MEGF6: variants seen among roughly 807,000 people sequenced by gnomAD.
The protein encoded by MEGF6 is multiple epidermal growth factor-like domains protein 6.
Under a neutral mutation model 207.1 loss-of-function variants are expected in MEGF6, and 184 were observed. That is an observed-to-expected ratio of 0.89 (90% CI 0.79 to 1.00). The LOEUF (loss-of-function observed/expected upper bound fraction) is 1.00. Ranked by LOEUF, MEGF6 falls within the 50% of genes least tolerant of loss-of-function variation. The pLI is 0.00. For missense variants in MEGF6, 2,282 were observed against 2,202.9 expected (o/e 1.04, Z -0.72); for synonymous variants, 1,038 against 910.0 (o/e 1.14, Z -2.53).
In MEGF6 at chr1:3,509,452, C is replaced by T. The variant is rs1271236737; in HGVS notation, c.1358-207G>A. On this transcript the variant is annotated intron_variant, in intron 11 of 36. Coordinates refer to ENST00000356575, the MANE Select transcript of MEGF6 (RefSeq NM_001409.4). ...TTCTCAGGAAAGAGAAGGCTCTGGG[C>T]CCTGAGGACCTGAACCCGGCCCCTC... Among the ~76,000 whole-genome samples, 3 of 152,170 alleles carry T rather than the reference C, an allele frequency of 2.0e-5. No individual in the cohort carries two copies. The East Asian group carries it at 5.8e-4, about 29-fold the overall frequency.
In MEGF6 at chr1:3,524,199, C is replaced by CG. The variant is rs779086699; in HGVS notation, c.528dup (p.Val177ArgfsTer10). On this transcript the variant is annotated frameshift_variant, in exon 5 of 37. Coordinates refer to ENST00000356575, the MANE Select transcript of MEGF6 (RefSeq NM_001409.4). LOFTEE classifies it high-confidence loss of function. ...CAGAGGTAGGAGCCTGGGGTGTTCA[C>CG]GCACCGGTGCTGGCAGCCACCGTTG... 1 of 1,612,866 alleles carries CG rather than the reference C, an allele frequency of 6.2e-7. No individual in the cohort carries two copies.
chr1:3,557,571 C>T (rs962851735), intron 4 of MEGF6, among the ~76,000 whole-genome samples: 2 of 152,234 alleles, frequency 1.3e-5, no homozygotes, highest in African/African-American at 4.8e-5. Flanking sequence ...CCAGAACATT[C>T]CAACCCCAAT....
intron 3 of MEGF6, among the ~76,000 whole-genome samples, chr1:3,584,902 C>T (rs183362289): frequency 1.3e-5 from 2 of 152,266 alleles, no homozygotes; most frequent in Non-Finnish European, 1.5e-5. Context: ...GACTCTAAGG[C>T]GTCACGGGGC....
intron 6 of MEGF6, 37 bp from the exon 7 acceptor site, chr1:3,514,709 G>A (rs1250466231): frequency 6.5e-7 from 1 of 1,532,730 alleles, no homozygotes; most frequent in African/African-American, 1.4e-5. Context: ...TTGGGGAGAG[G>A]GGACCCCAGT....
intron 4 of MEGF6, among the ~76,000 whole-genome samples, chr1:3,526,008 C>T (rs1570054378): frequency 1.3e-5 from 2 of 152,310 alleles, no homozygotes; most frequent in South Asian, 4.1e-4. Flanking sequence ...AGCTGCTGGG[C>T]CCCTGCCAGC....
intron 3 of MEGF6, among the ~76,000 whole-genome samples, chr1:3,582,460 C>T (rs1039830854): frequency 5.3e-5 from 8 of 152,178 alleles, no homozygotes; most frequent in African/African-American, 1.4e-4. Context: ...ACCTCGTCTC[C>T]TCCATGACAC....
Position 3,566,317 on chromosome 1 carries a change from AG to A in MEGF6, c.481+13507del, listed in dbSNP as rs756269662. Reference sequence around the variant, plus strand: ...GAGCCTCATTCATTACTCCATGGGAAGGGGGGCATGGGTATCGCCCCAGGAA... The same window carrying A: ...GAGCCTCATTCATTACTCCATGGGAAGGGGGCATGGGTATCGCCCCAGGAA... On this transcript the variant is annotated intron_variant, in intron 4 of 36. Coordinates refer to ENST00000356575, the MANE Select transcript of MEGF6 (RefSeq NM_001409.4). Among the ~76,000 whole-genome samples the A allele has an allele frequency of 2.0e-4, 30 of 152,326 alleles. No homozygotes were observed. In the East Asian group the frequency reaches 2.9e-3, roughly 15 times the overall value.
At chr1:3,564,258 T>G (rs1643285176) in intron 4 of MEGF6, among the ~76,000 whole-genome samples, 1 of 151,954 alleles carries the variant, frequency 6.6e-6, no homozygotes, top group Non-Finnish European at 1.5e-5. Context: ...TGCAGGTGTC[T>G]TGACTGTATC....
At chr1:3,491,397 A>G (rs1013585931) in intron 35 of MEGF6, among the ~76,000 whole-genome samples, 4 of 152,152 alleles carry the variant, frequency 2.6e-5, no homozygotes, top group Non-Finnish European at 4.4e-5. Context: ...GATGACCACT[A>G]GATGCCGCTG....
At chr1:3,613,909 T>C (rs1415310233), upstream of MEGF6, among the ~76,000 whole-genome samples, 1 of 151,692 alleles carries the variant, frequency 6.6e-6, no homozygotes, top group Non-Finnish European at 1.5e-5. Flanking sequence ...GCACTGCTGC[T>C]GTGCTCTCCT....
At chr1:3,527,043 G>A (rs988297018) in intron 4 of MEGF6, among the ~76,000 whole-genome samples, 3 of 152,174 alleles carry the variant, frequency 2.0e-5, no homozygotes, top group Admixed American at 6.5e-5. Flanking sequence ...TCGCTTCCAG[G>A]GGCTGCATAG....
rs200457336 is a variant in MEGF6, at chr1:3,498,359, C to G, written c.3352+12G>C. The stretch of plus-strand genomic sequence containing the variant: ...GGGCCTGCAGACCCCCCTGCTGCCC[C>G]GCCCCACTCACGGCTCTGACACTTG... On this transcript the variant is annotated intron_variant, in intron 26 of 36. Coordinates refer to ENST00000356575, the MANE Select transcript of MEGF6 (RefSeq NM_001409.4). The G allele has an allele frequency of 1.5e-3, 2,354 of 1,598,022 alleles. 9 individuals carry two copies. Among genetic ancestry groups the G allele is most frequent in the Middle Eastern group, 9.2e-3 (51 of 5,534 alleles).
intron 35 of MEGF6, among the ~76,000 whole-genome samples, 157 bp downstream of exon 35, chr1:3,492,482 T>TACCG (rs1640413074): frequency 6.6e-6 from 1 of 152,116 alleles, no homozygotes; most frequent in South Asian, 2.1e-4. Context: ...ACACTCTGGG[T>TACCG]ACCGGGTGGG....
At chr1:3,570,306 C>T (rs1350789017) in intron 4 of MEGF6, among the ~76,000 whole-genome samples, 1 of 152,242 alleles carries the variant, frequency 6.6e-6, no homozygotes, top group Non-Finnish European at 1.5e-5. Flanking sequence ...ACCTGCCCTG[C>T]CCGCTCAACC....
chr1:3,512,781 T>C (rs1162586759), intron 7 of MEGF6, among the ~76,000 whole-genome samples: 1 of 152,212 alleles, frequency 6.6e-6, no homozygotes, highest in Non-Finnish European at 1.5e-5. Flanking sequence ...TGCCCAGTCT[T>C]GGGTATGTCT....
chr1:3,525,416 C>T (rs1570052705), intron 4 of MEGF6, among the ~76,000 whole-genome samples: 2 of 152,252 alleles, frequency 1.3e-5, no homozygotes, highest in Admixed American at 1.3e-4. Flanking sequence ...TGGACTTCCA[C>T]AGCCTGGGGA....
rs564795506 is a variant in MEGF6, at chr1:3,498,819, A to C, written c.3102T>G (p.Pro1034=). The change falls in exon 25 of 37, where the codon CCT becomes CCG. Residue 1034 remains proline, a synonymous_variant. Transcript: ENST00000356575. The stretch of plus-strand genomic sequence containing the variant: ...GACAGTTGTCGCCGTACAGGCCGGC[A>C]GGGCAGGCTGGGGCCAGGGAAGAGG... ...WMGPSCLQAC[P]AGLYGDNCRH... The C allele has an allele frequency of 1.8e-5, 28 of 1,552,580 alleles. No individual in the cohort carries two copies. The highest frequency in any genetic ancestry group is 9.7e-5 in the East Asian group (4 of 41,228).
At chr1:3,622,259 T>G in the MEGF6 span, among the ~76,000 whole-genome samples, 1 of 152,056 alleles carries the variant, frequency 6.6e-6, no homozygotes, top group African/African-American at 2.4e-5. Flanking sequence ...TGGGGGCGAT[T>G]TCCCCCGTGC....
intron 3 of MEGF6, among the ~76,000 whole-genome samples, chr1:3,582,822 G>A (rs535136165): frequency 3.8e-4 from 58 of 152,248 alleles, no homozygotes; most frequent in African/African-American, 1.4e-3. Flanking sequence ...CTCCAAATCA[G>A]AGCCCACAGC....
Sources: allele counts gnomAD v4.1 joint callset (sites outside exome capture counted in the v4.1 genomes callset), GRCh38; gene constraint gnomAD v4.1.1; transcripts MANE v1.5; gene names NCBI Gene and HGNC (gene_info 2026-07-23, HGNC 2026-07-21).